The following ARK2C variants were observed in gnomAD, a reference collection of about 807,000 sequenced individuals.
ARK2C encodes the protein arkadia (RNF111) C-terminal like ring finger ubiquitin ligase 2C.
chr18:46,355,770 C>T, the ARK2C span, among the ~76,000 whole-genome samples: 1 of 152,212 alleles, frequency 6.6e-6, no homozygotes. Context: ...CACATGCCCC[C>T]TCAAGACCTT....
At chr18:46,400,125 C>T in the ARK2C span, among the ~76,000 whole-genome samples, 1 of 152,180 alleles carries the variant, frequency 6.6e-6, no homozygotes, top group African/African-American at 2.4e-5. Flanking sequence ...TGGCGGGTGT[C>T]CTGCTCCTCC....
At chr18:46,348,940 G>T in the ARK2C span, among the ~76,000 whole-genome samples, 1 of 150,312 alleles carries the variant, frequency 6.7e-6, no homozygotes, top group Non-Finnish European at 1.5e-5. Flanking sequence ...GTGTGTGTGT[G>T]TGTGTGTGAT....
At chr18:46,340,860 T>C in the ARK2C span, among the ~76,000 whole-genome samples, 1 of 152,192 alleles carries the variant, frequency 6.6e-6, no homozygotes, top group Non-Finnish European at 1.5e-5. Flanking sequence ...GAGGTGAGCT[T>C]GCTGCAGAGG....
the ARK2C span, among the ~76,000 whole-genome samples, chr18:46,410,472 G>A: frequency 1.3e-5 from 2 of 152,286 alleles, no homozygotes; most frequent in Non-Finnish European, 2.9e-5. Context: ...TGAGACTGAG[G>A]GGCAAACTCA....
the ARK2C span, among the ~76,000 whole-genome samples, chr18:46,374,802 C>T: frequency 6.6e-6 from 1 of 152,334 alleles, no homozygotes; most frequent in East Asian, 1.9e-4. Context: ...CCAAGCCTGG[C>T]ATTCCTGGAG....
At chr18:46,427,959 A>C in the ARK2C span, among the ~76,000 whole-genome samples, 1 of 152,268 alleles carries the variant, frequency 6.6e-6, no homozygotes, top group East Asian at 1.9e-4. Context: ...GCAGCCAGGG[A>C]GATGGGAGCA....
At chr18:46,426,441 GC>G in the ARK2C span, among the ~76,000 whole-genome samples, 1 of 152,074 alleles carries the variant, frequency 6.6e-6, no homozygotes, top group South Asian at 2.1e-4. Context: ...CAGTCCCCAG[GC>G]ATTTGTGGGT....
At chr18:46,375,882 G>A in the ARK2C span, among the ~76,000 whole-genome samples, 1 of 152,300 alleles carries the variant, frequency 6.6e-6, no homozygotes, top group East Asian at 1.9e-4. Flanking sequence ...GCTAAGGGCT[G>A]GGGAAATAGC....
the ARK2C span, among the ~76,000 whole-genome samples, chr18:46,401,898 G>A: frequency 1.3e-5 from 2 of 152,190 alleles, no homozygotes; most frequent in African/African-American, 4.8e-5. Flanking sequence ...GCTTGCATCT[G>A]CTTTACACAG....
At chr18:46,428,081 G>A in the ARK2C span, among the ~76,000 whole-genome samples, 2 of 152,162 alleles carry the variant, frequency 1.3e-5, no homozygotes, top group Non-Finnish European at 2.9e-5. Flanking sequence ...CTTGGAGGGG[G>A]TCTGTGGGAA....
At chr18:46,440,282 G>A in the ARK2C span, among the ~76,000 whole-genome samples, 1 of 152,198 alleles carries the variant, frequency 6.6e-6, no homozygotes, top group East Asian at 1.9e-4. Flanking sequence ...CTGAGAGAGA[G>A]AGAGAGAGAG....
chr18:46,451,065 A>G, the ARK2C span, among the ~76,000 whole-genome samples: 3 of 152,274 alleles, frequency 2.0e-5, no homozygotes, highest in South Asian at 4.1e-4. Flanking sequence ...GCCATTGGGT[A>G]TATTACATAC....
the ARK2C span, chr18:46,450,587 T>C: frequency 1.2e-6 from 1 of 853,282 alleles, no homozygotes; most frequent in Non-Finnish European, 1.9e-6. Context: ...GATGAGTTCT[T>C]CCTGATAGCT....
At chr18:46,343,442 T>C in the ARK2C span, among the ~76,000 whole-genome samples, 1 of 152,152 alleles carries the variant, frequency 6.6e-6, no homozygotes, top group African/African-American at 2.4e-5. Context: ...TCACATGAAG[T>C]AATGCATAGG....
At chr18:46,405,546 G>A in the ARK2C span, among the ~76,000 whole-genome samples, 1 of 152,158 alleles carries the variant, frequency 6.6e-6, no homozygotes, top group Non-Finnish European at 1.5e-5. Context: ...TGGGTGAAAG[G>A]TTGGAGAGAG....
chr18:46,418,751 C>T, the ARK2C span, among the ~76,000 whole-genome samples: 18 of 152,294 alleles, frequency 1.2e-4, no homozygotes, highest in African/African-American at 4.1e-4. Context: ...GTTACAGACC[C>T]AGAAAAGAGC....
chr18:46,358,166 G>A, the ARK2C span, among the ~76,000 whole-genome samples: 3 of 152,202 alleles, frequency 2.0e-5, no homozygotes, highest in African/African-American at 7.2e-5. Context: ...TCAAACCACA[G>A]CTAGGATGAG....
chr18:46,433,262 C>T, the ARK2C span: 1 of 1,609,976 alleles, frequency 6.2e-7, no homozygotes, highest in African/African-American at 1.3e-5. Flanking sequence ...CCCCCGCAGC[C>T]GCAGCAGCTC....
At chr18:46,446,534 G>A in the ARK2C span, among the ~76,000 whole-genome samples, 1 of 151,776 alleles carries the variant, frequency 6.6e-6, no homozygotes, top group Admixed American at 6.6e-5. Flanking sequence ...ATCCGGGCGT[G>A]GTGTGGCATG....
Sources: gnomAD v4.1 joint callset for allele counts (sites outside exome capture counted in the v4.1 genomes callset) on GRCh38, gnomAD v4.1.1 for gene constraint, MANE v1.5 for transcripts, NCBI Gene and HGNC (gene_info 2026-07-23, HGNC 2026-07-21) for gene names.